CDH13: variants seen among roughly 807,000 people sequenced by gnomAD.
The protein encoded by CDH13 is cadherin-13.
In CDH13, 24 loss-of-function variants were observed where a neutral mutation model predicts 63.8. That is an observed-to-expected ratio of 0.38 (90% CI 0.27 to 0.53). The LOEUF is 0.53. Ranked by LOEUF, CDH13 falls within the 20% of genes least tolerant of loss-of-function variation. CDH13 has a pLI of 0.85. For missense variants in CDH13, 1,049 were observed against 903.1 expected (o/e 1.16, Z -2.07); for synonymous variants, 503 against 355.3 (o/e 1.42, Z -4.67).
At chr16:82,935,161 A>G (rs756807436) in intron 2 of CDH13, among the ~76,000 whole-genome samples, 7 of 152,200 alleles carry the variant, frequency 4.6e-5, no homozygotes, top group East Asian at 1.9e-4. Flanking sequence ...TGAACTTACA[A>G]TGATGGTGGA....
At chr16:83,560,917 G>C (rs1235951201) in intron 7 of CDH13, among the ~76,000 whole-genome samples, 5 of 151,058 alleles carry the variant, frequency 3.3e-5, no homozygotes, top group African/African-American at 9.8e-5. Flanking sequence ...CCCGCCCCAG[G>C]GGCTGAGGGT....
chr16:83,458,379 C>G lies in CDH13; in HGVS notation c.782-28098C>G, dbSNP rs572996239. 2.2e-3 allele frequency among the ~76,000 whole-genome samples: 338 copies of G among 152,300 alleles called. 2 individuals are homozygous for G. The highest frequency in any genetic ancestry group is 6.8e-3 in the Middle Eastern group (2 of 294). ...AATGAGCCTTCCACCTCTCCTAATT[C>G]CTCCCCAACACTTCCCAACATCATC... is the stretch of plus-strand genomic sequence containing the variant. On this transcript the variant is annotated intron_variant, in intron 6 of 13. Coordinates refer to ENST00000567109, the MANE Select transcript of CDH13 (RefSeq NM_001257.5).
chr16:82,813,101 C>T (rs2151183850), intron 1 of CDH13, among the ~76,000 whole-genome samples: 1 of 152,236 alleles, frequency 6.6e-6, no homozygotes, highest in East Asian at 1.9e-4. Context: ...TTTCTGGTTA[C>T]AGAAGACAAA....
At chr16:82,717,307 G>T (rs4783259) in intron 1 of CDH13, among the ~76,000 whole-genome samples, 32,184 of 151,666 alleles carry the variant, frequency 0.21, 4,024 homozygotes, top group Middle Eastern at 0.33. Flanking sequence ...GTGGTGGTTC[G>T]CAGCTGTAAT....
chr16:83,737,114 C>G (rs1363002259), intron 10 of CDH13, among the ~76,000 whole-genome samples: 1 of 152,230 alleles, frequency 6.6e-6, no homozygotes, highest in East Asian at 1.9e-4. Flanking sequence ...GTAATTCATG[C>G]TGACCATGCC....
intron 4 of CDH13, among the ~76,000 whole-genome samples, chr16:83,126,154 C>T (rs115700398): frequency 1.8e-3 from 280 of 152,258 alleles, no homozygotes; most frequent in African/African-American, 6.1e-3. Flanking sequence ...TGCTCAGTGC[C>T]GCAAAGGAGA....
rs780055934 is a variant in CDH13 at position 83,602,488 on chromosome 16, A to T, written c.995A>T (p.Glu332Val). 2.5e-6 allele frequency: 4 copies of T among 1,613,948 alleles called. No homozygotes were observed. Among genetic ancestry groups the T allele is most frequent in the Non-Finnish European group, 3.4e-6 (4 of 1,179,826 alleles). ...AATCCCAAGTATGAACTGATCATCG[A>T]GGCTCAAGATATGGCTGGACTGGAT... ...LENPKYELIIEAQDMAGLDVG... is the reference protein window; with the variant it reads ...LENPKYELIIVAQDMAGLDVG... The change falls in exon 8 of 14, where the codon GAG (glutamate) becomes GTG (valine). Residue 332 changes from glutamate to valine, a missense_variant. Coordinates refer to ENST00000567109, the MANE Select transcript of CDH13 (RefSeq NM_001257.5).
chr16:82,746,670 C>T lies in CDH13; in HGVS notation c.46-111692C>T, dbSNP rs1179213627. Among the ~76,000 whole-genome samples the T allele has an allele frequency of 5.3e-5, 8 of 151,834 alleles. 1 individual carries two copies. Among genetic ancestry groups the T allele is most frequent in the East Asian group, 1.9e-4 (1 of 5,192 alleles). On this transcript the variant is annotated intron_variant, in intron 1 of 13. Coordinates refer to ENST00000567109, the MANE Select transcript of CDH13 (RefSeq NM_001257.5). ...ATTTTCTTCTCAAGTAAGTGGTTTA[C>T]TTAAGCATACATATATATACAATTT...
At chr16:83,555,554 C>A (rs939672705) in intron 7 of CDH13, among the ~76,000 whole-genome samples, 1 of 152,128 alleles carries the variant, frequency 6.6e-6, no homozygotes, top group African/African-American at 2.4e-5. Flanking sequence ...GACTGAATTG[C>A]ATGTGATTTT....
intron 4 of CDH13, 134 bp downstream of exon 4, chr16:83,125,635 G>C: frequency 1.8e-6 from 1 of 545,392 alleles, no homozygotes; most frequent in Non-Finnish European, 3.3e-6. Flanking sequence ...AAATGGTTTA[G>C]TCATGAAAAG....
At chr16:83,447,722 T>G (rs1354381193) in intron 6 of CDH13, among the ~76,000 whole-genome samples, 1 of 150,226 alleles carries the variant, frequency 6.7e-6, no homozygotes, top group East Asian at 1.9e-4. Context: ...GATAATCATT[T>G]TTTTAAATTA....
chr16:83,192,062 G>T (rs2038734464), intron 4 of CDH13, among the ~76,000 whole-genome samples: 1 of 152,188 alleles, frequency 6.6e-6, no homozygotes, highest in East Asian at 1.9e-4. Context: ...CCAGCAATCT[G>T]CACGGATACT....
Position 83,213,874 on chromosome 16 carries a change from T to C in CDH13, c.484-3471T>C, listed in dbSNP as rs2039412477. Reference sequence around the variant, plus strand: ...GTAAAATGCACCAATCAGTGCTCTGTAGCTACCTAGAGGTTTGTAAAATGC... The same window carrying C: ...GTAAAATGCACCAATCAGTGCTCTGCAGCTACCTAGAGGTTTGTAAAATGC... On this transcript the variant is annotated intron_variant, in intron 4 of 13. Coordinates refer to ENST00000567109, the MANE Select transcript of CDH13 (RefSeq NM_001257.5). Among the ~76,000 whole-genome samples the C allele has an allele frequency of 2.0e-5, 3 of 152,072 alleles. No individual in the cohort carries two copies. The South Asian group carries it at 6.2e-4, about 32-fold the overall frequency.
intron 6 of CDH13, among the ~76,000 whole-genome samples, chr16:83,371,275 A>G (rs1406422215): frequency 6.6e-6 from 1 of 152,180 alleles, no homozygotes; most frequent in African/African-American, 2.4e-5. Context: ...TTCTTTTTAA[A>G]TCATTACCCT....
chr16:82,818,815 G>C (rs2037854787), intron 1 of CDH13, among the ~76,000 whole-genome samples: 1 of 152,170 alleles, frequency 6.6e-6, no homozygotes, highest in Non-Finnish European at 1.5e-5. Context: ...GTATTCATAT[G>C]TCTGCATACA....
chr16:82,778,311 T>A (rs370013115), intron 1 of CDH13, among the ~76,000 whole-genome samples: 2 of 152,178 alleles, frequency 1.3e-5, no homozygotes, highest in East Asian at 3.9e-4. Context: ...CAAATTGTGC[T>A]GGTGTAGAAA....
intron 6 of CDH13, among the ~76,000 whole-genome samples, chr16:83,473,567 A>T (rs2073521144): frequency 6.6e-6 from 1 of 152,160 alleles, no homozygotes; most frequent in South Asian, 2.1e-4. Flanking sequence ...GTCCTGCACT[A>T]CAACTCAAGG....
At chr16:83,523,018 C>T (rs918379918) in intron 7 of CDH13, among the ~76,000 whole-genome samples, 1 of 152,196 alleles carries the variant, frequency 6.6e-6, no homozygotes. Flanking sequence ...ATTATACTCA[C>T]CCTTCAGTTC....
chr16:83,042,510 C>A lies in CDH13; in HGVS notation c.366+10292C>A, dbSNP rs185210217. 2.0e-3 allele frequency among the ~76,000 whole-genome samples: 306 copies of A among 152,050 alleles called. 1 individual carries two copies. The highest frequency in any genetic ancestry group is 0.017 in the Middle Eastern group (5 of 294). ...CTCCCATGGATTCTACATTATGGTG[C>A]GTTGTATACTTATCTCATTGTATAT... On this transcript the variant is annotated intron_variant, in intron 3 of 13. Coordinates refer to ENST00000567109, the MANE Select transcript of CDH13 (RefSeq NM_001257.5).
Sources: allele counts gnomAD v4.1 joint callset (sites outside exome capture counted in the v4.1 genomes callset), GRCh38; gene constraint gnomAD v4.1.1; transcripts MANE v1.5; gene names NCBI Gene and HGNC (gene_info 2026-07-23, HGNC 2026-07-21).